GLDC: variants seen among roughly 807,000 people sequenced by gnomAD.
The protein encoded by GLDC is glycine dehydrogenase (decarboxylating), mitochondrial.
In GLDC, 104 loss-of-function variants were observed where a neutral mutation model predicts 121.3. The observed-to-expected ratio is 0.86, with a 90% CI of 0.73 to 1.01. The LOEUF is 1.01. Among genes scored for constraint, GLDC ranks in the 50% least tolerant of loss-of-function variants. The pLI is 0.00. For synonymous variants in GLDC, 546 were observed against 480.6 expected, an observed-to-expected ratio of 1.14 and a Z score of -1.78; for missense variants, 1,429 against 1,306.6, an observed-to-expected ratio of 1.09 and a Z score of -1.44.
In GLDC at chr9:6,645,314, G is replaced by C. The variant is rs1462209032; in HGVS notation, c.186C>G (p.Asp62Glu). ...LLERLLPRHD[D>E]FARRHIGPGD... ...CAGGGCCGATGTGCCTCCGAGCGAA[G>C]TCGTCGTGTCTGGGCAGAAGGCGCT... The change falls in exon 1 of 25, where the codon GAC becomes GAG. Residue 62 changes from aspartate (D) to glutamate (E), a missense_variant. Physicochemically the swap from Asp to Glu is conservative, Grantham distance 45. Coordinates refer to ENST00000321612, the MANE Select transcript of GLDC (RefSeq NM_000170.3). 1 of 1,592,968 alleles carries C rather than the reference G, an allele frequency of 6.3e-7. No individual in the cohort carries two copies. Among genetic ancestry groups the C allele is most frequent in the Non-Finnish European group, 8.5e-7 (1 of 1,171,600 alleles).
At chr9:6,581,986 AGGAG>A (rs1345498719) in intron 15 of GLDC, among the ~76,000 whole-genome samples, 1 of 149,154 alleles carries the variant, frequency 6.7e-6, no homozygotes. Context: ...AGGCTGAGGC[AGGAG>A]GATCACCTGA....
rs900275071 is a variant in GLDC, at chr9:6,566,650, T to A, written c.1851-1221A>T. The A allele has an allele frequency of 4.6e-5, 7 of 152,260 alleles. No individual in the cohort carries two copies. In the East Asian group the frequency reaches 1.4e-3, roughly 29 times the overall value. 9.4% of individuals were successfully genotyped at this position (152,260 alleles called of 1,614,324 possible). ...ATGCTGACTCAATCGTAGACTGTTA[T>A]TTCATGTTCCCAGTACCCTGTGCAG... On this transcript the variant is annotated intron_variant, in intron 15 of 24. Coordinates refer to ENST00000321612, the MANE Select transcript of GLDC (RefSeq NM_000170.3).
At chr9:6,591,183 CT>C (rs1277398799) in intron 11 of GLDC, among the ~76,000 whole-genome samples, 2 of 152,194 alleles carry the variant, frequency 1.3e-5, no homozygotes, top group African/African-American at 2.4e-5. Flanking sequence ...CACTGAACTG[CT>C]TATAGCTTTC....
intron 2 of GLDC, among the ~76,000 whole-genome samples, chr9:6,641,122 G>C (rs531867137): frequency 6.6e-6 from 1 of 152,324 alleles, no homozygotes; most frequent in East Asian, 1.9e-4. Flanking sequence ...TGTCCAAGAA[G>C]AGGGGGAGCA....
chr9:6,602,070 C>T (rs375500002), intron 8 of GLDC, 39 bp downstream of exon 8: 74 of 1,158,796 alleles, frequency 6.4e-5, no homozygotes, highest in African/African-American at 5.3e-4. Flanking sequence ...TTCTGTGTAT[C>T]GTAAGGCATT....
chr9:6,633,869 G>C (rs111875513), intron 2 of GLDC, among the ~76,000 whole-genome samples: 1 of 108,308 alleles, frequency 9.2e-6, no homozygotes, highest in Non-Finnish European at 1.8e-5. Flanking sequence ...TCACTCTGTC[G>C]CTCAGGCTGG....
At chr9:6,618,402 G>C (rs1819007937) in intron 3 of GLDC, among the ~76,000 whole-genome samples, 1 of 152,118 alleles carries the variant, frequency 6.6e-6, no homozygotes, top group Non-Finnish European at 1.5e-5. Flanking sequence ...CCACCTCCCA[G>C]GTTCAAGCAA....
At chr9:6,591,050 G>A (rs1818365700) in intron 11 of GLDC, among the ~76,000 whole-genome samples, 1 of 152,172 alleles carries the variant, frequency 6.6e-6, no homozygotes, top group Non-Finnish European at 1.5e-5. Context: ...AGGCTGTTGT[G>A]ATTAACACCT....
intron 15 of GLDC, among the ~76,000 whole-genome samples, chr9:6,585,542 C>T (rs887085453): frequency 1.1e-4 from 17 of 151,964 alleles, no homozygotes; most frequent in Admixed American, 3.3e-4. Context: ...TTGCCACATA[C>T]CCTCTTCCCA....
intron 2 of GLDC, 99 bp from the exon 3 acceptor site, chr9:6,620,418 A>C (rs1330690932): frequency 9.8e-7 from 1 of 1,021,694 alleles, no homozygotes; most frequent in East Asian, 2.4e-5. Flanking sequence ...TTTATGACAG[A>C]ATAACTATAT....
intron 10 of GLDC, 86 bp downstream of exon 10, chr9:6,592,765 T>C (rs1034151762): frequency 3.7e-6 from 5 of 1,355,962 alleles, no homozygotes; most frequent in Admixed American, 1.9e-5. Flanking sequence ...TTCCTTTTTA[T>C]TTTTTAAAAA....
chr9:6,554,751 A>G lies in GLDC; in HGVS notation c.2233T>C (p.Ser745Pro), dbSNP rs1817584862. ...VGICRPGDFGSDVSHLNLHKT... is the reference protein window; with the variant it reads ...VGICRPGDFGPDVSHLNLHKT... ...TGAAGATTTAGGTGCGAGACATCAG[A>G]CCCGAAGTCTCCAGGGCGACAGATT... is the stretch of plus-strand genomic sequence containing the variant. Residue 745 changes from serine (S) to proline (P), a missense_variant, in exon 19 of 25, where the codon TCT becomes CCT. Physicochemically the swap from Ser to Pro is moderately conservative, Grantham distance 74. Coordinates refer to ENST00000321612, the MANE Select transcript of GLDC (RefSeq NM_000170.3). The G allele has an allele frequency of 6.2e-7, 1 of 1,613,372 alleles. No homozygotes were observed. Among genetic ancestry groups the G allele is most frequent in the African/African-American group, 1.3e-5 (1 of 74,926 alleles).
intron 15 of GLDC, among the ~76,000 whole-genome samples, chr9:6,566,274 G>T (rs985062728): frequency 1.3e-5 from 2 of 152,050 alleles, no homozygotes; most frequent in African/African-American, 4.8e-5. Context: ...AAACACAATT[G>T]TCACACCTAG....
chr9:6,536,169 C>T lies in GLDC; in HGVS notation c.2733G>A (p.Glu911=), dbSNP rs1397333445. Residue 911 remains glutamate, a synonymous_variant, in exon 23 of 25, where the codon GAG becomes GAA. Transcript: ENST00000321612. ...GTLMVEPTES[E]DKAELDRFCD... ...AGAATCTGTCCAGCTCTGCCTTGTC[C>T]TCCGACTCAGTGGGCTCCACCATGA... 2 of 1,614,088 alleles carry T rather than the reference C, an allele frequency of 1.2e-6. No homozygotes were observed. Among genetic ancestry groups the T allele is most frequent in the Non-Finnish European group, 1.7e-6 (2 of 1,179,970 alleles).
chr9:6,604,859 T>C, intron 6 of GLDC, 75 bp from the exon 7 acceptor site: 4 of 1,223,432 alleles, frequency 3.3e-6, no homozygotes, highest in Admixed American at 3.4e-5. Flanking sequence ...GGAAATTATC[T>C]TAACTACAGG....
In GLDC at chr9:6,536,098, T is replaced by C; in HGVS notation, c.2804A>G (p.Glu935Gly). ...ATTGACCCTGGGGTCGATGCGGCCC[T>C]CCTCAATGTCAGCAATTTCCTGCCG... ...SIRQEIADIE[E>G]GRIDPRVNPL... The change falls in exon 23 of 25, where the codon GAG becomes GGG. Residue 935 changes from glutamate (E) to glycine (G), a missense_variant. Glu to Gly is a moderately conservative substitution (Grantham distance 98). Coordinates refer to ENST00000321612, the MANE Select transcript of GLDC (RefSeq NM_000170.3). The C allele has an allele frequency of 6.2e-7, 1 of 1,614,116 alleles. No homozygotes were observed. Among genetic ancestry groups the C allele is most frequent in the Non-Finnish European group, 8.5e-7 (1 of 1,180,000 alleles).
At chr9:6,632,954 G>A (rs987239383) in intron 2 of GLDC, among the ~76,000 whole-genome samples, 10 of 151,734 alleles carry the variant, frequency 6.6e-5, no homozygotes, top group African/African-American at 2.2e-4. Flanking sequence ...GAGGGTCCTC[G>A]CCACCCAGAT....
At chr9:6,597,648 AATAT>A (rs1272160240) in intron 8 of GLDC, among the ~76,000 whole-genome samples, 3 of 152,232 alleles carry the variant, frequency 2.0e-5, no homozygotes, top group Admixed American at 6.5e-5. Context: ...GAAATAAGAG[AATAT>A]ATGGCCGGGC....
chr9:6,551,732 A>C (rs2129708668), intron 20 of GLDC, among the ~76,000 whole-genome samples: 1 of 152,104 alleles, frequency 6.6e-6, no homozygotes, highest in Middle Eastern at 3.4e-3. Flanking sequence ...GAGAAAGGAG[A>C]AGGTATACCA....
Sources: allele counts gnomAD v4.1 joint callset (sites outside exome capture counted in the v4.1 genomes callset), GRCh38; gene constraint gnomAD v4.1.1; transcripts MANE v1.5; gene names NCBI Gene and HGNC (gene_info 2026-07-23, HGNC 2026-07-21).